The following ESRRG variants were observed in gnomAD, a reference collection of about 807,000 sequenced individuals.
ESRRG encodes estrogen related receptor gamma, also known as estrogen-related receptor gamma.
ESRRG carries 13 observed loss-of-function variants against 44.0 expected under a neutral mutation model. The observed-to-expected ratio is 0.30, with a 90% CI of 0.19 to 0.47. The LOEUF is 0.47. Ranked by LOEUF, ESRRG falls within the 20% of genes least tolerant of loss-of-function variation. The pLI is 1.00. For missense variants in ESRRG, 395 were observed against 580.6 expected, an observed-to-expected ratio of 0.68 and a Z score of 3.29; for synonymous variants, 215 against 214.6, an observed-to-expected ratio of 1.00 and a Z score of -0.02.
At chr1:216,765,772 C>A (rs114272363) in intron 2 of ESRRG, among the ~76,000 whole-genome samples, 212 of 152,184 alleles carry the variant, frequency 1.4e-3, no homozygotes, top group African/African-American at 4.8e-3. Flanking sequence ...TTCCTACTGG[C>A]AGTGGGGCGT....
At chr1:216,617,353 A>G (rs1282775633) in intron 3 of ESRRG, among the ~76,000 whole-genome samples, 2 of 152,164 alleles carry the variant, frequency 1.3e-5, no homozygotes, top group Admixed American at 1.3e-4. Context: ...ATAAAGCCCA[A>G]GCAGTCCTAT....
chr1:216,844,248 G>T (rs2095702000), intron 2 of ESRRG, among the ~76,000 whole-genome samples: 1 of 152,038 alleles, frequency 6.6e-6, no homozygotes. Flanking sequence ...GTTGGTTAAA[G>T]TAAAAGTTCT....
rs756615200 is a variant in ESRRG at position 216,766,785 on chromosome 1, C to T, written c.-13-89294G>A. Among the ~76,000 whole-genome samples the T allele has an allele frequency of 3.4e-4, 51 of 152,116 alleles. 1 individual carries two copies. Among genetic ancestry groups the T allele is most frequent in the South Asian group, 2.1e-4 (1 of 4,824 alleles). ...GTCAGAGTCTCTTTAGAAGGCTCTA[C>T]CTTATCCATCACTGATCTCAATAAT... On this transcript the variant is annotated intron_variant, in intron 2 of 7. Transcript: ENST00000359162.
intron 3 of ESRRG, among the ~76,000 whole-genome samples, chr1:216,641,539 T>C (rs1376006476): frequency 6.6e-6 from 1 of 152,244 alleles, no homozygotes; most frequent in Non-Finnish European, 1.5e-5. Flanking sequence ...ATCAGATTCA[T>C]TCCTCTCTAC....
intron 5 of ESRRG, among the ~76,000 whole-genome samples, chr1:216,562,659 G>A (rs370441014): frequency 5.3e-4 from 80 of 152,036 alleles, no homozygotes; most frequent in African/African-American, 8.2e-4. Flanking sequence ...CAATTATCTC[G>A]TCCCAAATAT....
intron 2 of ESRRG, among the ~76,000 whole-genome samples, chr1:216,896,770 G>A (rs2058472226): frequency 6.6e-6 from 1 of 152,100 alleles, no homozygotes; most frequent in Non-Finnish European, 1.5e-5. Flanking sequence ...AGTTAAAAGC[G>A]AATGAAAATG....
At chr1:216,951,615 TA>T (rs1175656974) in intron 1 of ESRRG, among the ~76,000 whole-genome samples, 2 of 151,832 alleles carry the variant, frequency 1.3e-5, no homozygotes, top group African/African-American at 4.8e-5. Context: ...AAATGAAAAC[TA>T]AAAACAGCAC....
At chr1:217,133,512 C>CTAA (rs1219606673) in intron 1 of ESRRG, among the ~76,000 whole-genome samples, 45 of 152,246 alleles carry the variant, frequency 3.0e-4, no homozygotes, top group African/African-American at 8.7e-4. Flanking sequence ...GTCTGAGGGT[C>CTAA]CTTGGCTAAC....
At chr1:216,756,844 T>C (rs934255550) in intron 2 of ESRRG, among the ~76,000 whole-genome samples, 6 of 152,026 alleles carry the variant, frequency 3.9e-5, no homozygotes, top group Non-Finnish European at 8.8e-5. Flanking sequence ...ATGGTCCTCA[T>C]TGGGTTTGGG....
chr1:216,868,926 A>C (rs925127221), intron 2 of ESRRG, among the ~76,000 whole-genome samples: 18 of 152,156 alleles, frequency 1.2e-4, no homozygotes, highest in Admixed American at 1.1e-3. Context: ...TAGTTTTCTT[A>C]CTACTCAGTC....
chr1:216,563,454 C>G (rs2059145720), intron 5 of ESRRG, among the ~76,000 whole-genome samples: 1 of 152,130 alleles, frequency 6.6e-6, no homozygotes, highest in Non-Finnish European at 1.5e-5. Flanking sequence ...AGCATAAAGA[C>G]AAACTAGTTT....
chr1:216,879,916 A>G (rs1226224252), intron 2 of ESRRG, among the ~76,000 whole-genome samples: 1 of 152,172 alleles, frequency 6.6e-6, no homozygotes, highest in Non-Finnish European at 1.5e-5. Context: ...CCTGAACTTT[A>G]TATTTGTGAA....
chr1:216,971,045 A>G (rs1040821101), intron 1 of ESRRG, among the ~76,000 whole-genome samples: 1 of 152,196 alleles, frequency 6.6e-6, no homozygotes, highest in Non-Finnish European at 1.5e-5. Context: ...AGGTGACAGG[A>G]CATTCTCTTG....
At chr1:216,577,906 T>G (rs1423365732) in intron 3 of ESRRG, among the ~76,000 whole-genome samples, 1 of 152,062 alleles carries the variant, frequency 6.6e-6, no homozygotes, top group African/African-American at 2.4e-5. Flanking sequence ...GAGGAACTTA[T>G]GGAAATTCTA....
At chr1:216,846,865 T>G (rs2095758538) in intron 2 of ESRRG, among the ~76,000 whole-genome samples, 1 of 151,916 alleles carries the variant, frequency 6.6e-6, no homozygotes, top group Non-Finnish European at 1.5e-5. Flanking sequence ...GTAGTTCTCT[T>G]TAAAGATAGT....
At chr1:217,113,332 C>T (rs2102468513) in intron 1 of ESRRG, among the ~76,000 whole-genome samples, 1 of 152,260 alleles carries the variant, frequency 6.6e-6, no homozygotes, top group Admixed American at 6.5e-5. Context: ...TTCAGAATTG[C>T]TGTGGATCAG....
chr1:216,911,964 A>T (rs2060358264), intron 2 of ESRRG, among the ~76,000 whole-genome samples: 1 of 151,174 alleles, frequency 6.6e-6, no homozygotes, highest in African/African-American at 2.4e-5. Flanking sequence ...AGTCCCAGCT[A>T]CTCAGGAGGC....
At chr1:216,913,580 T>C (rs542381145) in intron 2 of ESRRG, among the ~76,000 whole-genome samples, 39 of 152,250 alleles carry the variant, frequency 2.6e-4, no homozygotes, top group Non-Finnish European at 4.9e-4. Flanking sequence ...GAGACGTGGG[T>C]CCAAGCGTGA....
At chr1:217,092,126 C>T (rs955572046), upstream of ESRRG, among the ~76,000 whole-genome samples, 1 of 152,176 alleles carries the variant, frequency 6.6e-6, no homozygotes, top group African/African-American at 2.4e-5. Context: ...TGAATAGATC[C>T]TTTCTAAGCC....
Sources: allele counts gnomAD v4.1 joint callset (sites outside exome capture counted in the v4.1 genomes callset), GRCh38; gene constraint gnomAD v4.1.1; transcripts MANE v1.5; gene names NCBI Gene and HGNC (gene_info 2026-07-23, HGNC 2026-07-21).